The following TRIM16 variants were observed in gnomAD, a reference collection of about 807,000 sequenced individuals.
TRIM16 encodes tripartite motif-containing protein 16.
TRIM16 carries 33 observed loss-of-function variants against 50.4 expected under a neutral mutation model. The observed-to-expected ratio is 0.65, with a 90% CI of 0.50 to 0.88. The LOEUF (loss-of-function observed/expected upper bound fraction) is 0.88. TRIM16 is among the 40% of genes least tolerant of loss of function. The pLI, the probability that TRIM16 is intolerant of heterozygous loss-of-function variation, is 0.00. For missense variants in TRIM16, 581 were observed against 686.8 expected (o/e 0.85, Z 1.72); for synonymous variants, 229 against 270.7 (o/e 0.85, Z 1.51).
At chr17:15,660,071 C>T (rs1988153532) in intron 6 of TRIM16, among the ~76,000 whole-genome samples, 2 of 152,194 alleles carry the variant, frequency 1.3e-5, no homozygotes, top group African/African-American at 4.8e-5. Context: ...CTTGTTTTTA[C>T]TAGTGAGATA....
Position 15,628,259 on chromosome 17 carries a change from A to G in TRIM16, c.*356T>C, listed in dbSNP as rs1142879. The G allele has an allele frequency of 5.3e-6, 1 of 188,766 alleles. No individual in the cohort carries two copies. The highest frequency in any genetic ancestry group is 1.1e-5 in the Non-Finnish European group (1 of 91,714). The allele number at this position is 188,766 out of a possible 1,614,324, so 11.7% of individuals were successfully genotyped here. ...CCCATCTCTACTAAAAATACAAAACATTAGCTGGGTGTGGTGGCAGGCACC... is the reference window on the plus strand; with the variant it reads ...CCCATCTCTACTAAAAATACAAAACGTTAGCTGGGTGTGGTGGCAGGCACC... On this transcript the variant is annotated 3_prime_UTR_variant, in exon 12 of 12. Transcript: ENST00000649191.
intron 6 of TRIM16, among the ~76,000 whole-genome samples, chr17:15,670,214 T>C (rs543266763): frequency 2.6e-5 from 4 of 152,284 alleles, no homozygotes; most frequent in African/African-American, 7.2e-5. Context: ...TTTCATCCAG[T>C]AAATCCCCAA....
intron 6 of TRIM16, among the ~76,000 whole-genome samples, chr17:15,674,226 C>T (rs1988832729): frequency 6.6e-6 from 1 of 151,924 alleles, no homozygotes; most frequent in Admixed American, 6.6e-5. Flanking sequence ...AAAAATTAGC[C>T]GGGCATGGTG....
At chr17:15,660,296 G>A (rs1988165589) in intron 6 of TRIM16, among the ~76,000 whole-genome samples, 1 of 152,200 alleles carries the variant, frequency 6.6e-6, no homozygotes, top group South Asian at 2.1e-4. Flanking sequence ...AGAGGACAAT[G>A]AGCCGGTTCC....
In TRIM16 at chr17:15,642,730, C is replaced by A; in HGVS notation, c.606G>T (p.Lys202Asn). The A allele has an allele frequency of 1.1e-6, 1 of 873,738 alleles. No individual in the cohort carries two copies. The highest frequency in any genetic ancestry group is 1.7e-6 in the Non-Finnish European group (1 of 590,658). 54.1% of individuals were successfully genotyped at this position (873,738 alleles called of 1,614,324 possible). ...NAISRLQANQ[K>N]SVLVSVSEVK... is the part of the protein sequence containing the mutation. ...CCCAGGCTGGTCTTACCAGAACAGA[C>A]TTTTGGTTAGCCTGGAGCCTGGAGA... The change falls in exon 8 of 12, where the codon AAG (lysine) becomes AAT (asparagine). Residue 202 changes from lysine to asparagine, a missense_variant. Lys to Asn is a moderately conservative substitution (Grantham distance 94). Around this residue, in one of 3 missense-constraint regions of TRIM16, gnomAD observed 450 missense variants for 544.3 expected, o/e 0.83. Coordinates refer to ENST00000649191, the MANE Select transcript of TRIM16 (RefSeq NM_001348119.1).
intron 7 of TRIM16, among the ~76,000 whole-genome samples, chr17:15,648,263 AC>A (rs200084370): frequency 0.013 from 1,995 of 149,222 alleles, 62 homozygotes; most frequent in African/African-American, 0.047. Context: ...AAACAAACAA[AC>A]AAAAAAACAC....
At chr17:15,660,772 C>A (rs1191935324) in intron 6 of TRIM16, among the ~76,000 whole-genome samples, 1 of 151,946 alleles carries the variant, frequency 6.6e-6, no homozygotes, top group Non-Finnish European at 1.5e-5. Context: ...GTGGCAGGCG[C>A]CTGTAGTCCC....
chr17:15,641,103 G>C (rs1362793633), intron 8 of TRIM16, among the ~76,000 whole-genome samples: 1 of 148,532 alleles, frequency 6.7e-6, no homozygotes, highest in Admixed American at 6.7e-5. Context: ...GGAGGTGTCA[G>C]ATGATATTGG....
At chr17:15,648,555 C>T (rs1987530415) in intron 7 of TRIM16, among the ~76,000 whole-genome samples, 1 of 152,190 alleles carries the variant, frequency 6.6e-6, no homozygotes, top group Admixed American at 6.5e-5. Context: ...TTCCTATACA[C>T]AGCATGCCTG....
At chr17:15,654,379 C>G (rs375463008) in intron 6 of TRIM16, 23 of 152,296 alleles carry the variant, frequency 1.5e-4, no homozygotes, top group African/African-American at 5.5e-4. Context: ...TCTTTCTGAT[C>G]CTGGCCAGGG....
chr17:15,663,914 A>G (rs1988360259), intron 6 of TRIM16, among the ~76,000 whole-genome samples: 1 of 152,238 alleles, frequency 6.6e-6, no homozygotes. Flanking sequence ...ATGTGGCCAC[A>G]ATGGAGGGCA....
chr17:15,636,279 G>A lies in TRIM16; in HGVS notation c.616-10C>T, dbSNP rs1986736142. 3 of 1,608,036 alleles carry A rather than the reference G, an allele frequency of 1.9e-6. No homozygotes were observed. The highest frequency in any genetic ancestry group is 1.7e-6 in the Non-Finnish European group (2 of 1,177,824). On this transcript the variant is annotated splice_polypyrimidine_tract_variant and intron_variant, in intron 8 of 11. Coordinates refer to ENST00000649191, the MANE Select transcript of TRIM16 (RefSeq NM_001348119.1). Reference sequence around the variant, plus strand: ...CCTCTGACACCGACACCTGGCAGGGGGTGGGGGTGGAAGGCAGCCAAACAT... The same window carrying A: ...CCTCTGACACCGACACCTGGCAGGGAGTGGGGGTGGAAGGCAGCCAAACAT...
At chr17:15,677,152 G>A (rs1303619831) in intron 6 of TRIM16, 24 bp downstream of exon 6, 2 of 984,320 alleles carry the variant, frequency 2.0e-6, no homozygotes, top group Non-Finnish European at 2.4e-6. Flanking sequence ...TTCTAAAGAT[G>A]CAATCTGCCT....
intron 6 of TRIM16, among the ~76,000 whole-genome samples, chr17:15,662,615 C>G (rs1364538944): frequency 1.3e-5 from 2 of 152,144 alleles, no homozygotes; most frequent in Non-Finnish European, 2.9e-5. Flanking sequence ...TGTGTTGTCT[C>G]GAGCTTGAGA....
rs2151432002 is a variant in TRIM16 at position 15,680,917 on chromosome 17, C to T, written c.-642G>A. 1.3e-6 allele frequency: 2 copies of T among 1,546,108 alleles called. No homozygotes were observed. The highest frequency in any genetic ancestry group is 1.7e-6 in the Non-Finnish European group (2 of 1,145,816). ...AGCCATATTTTCCTTCTTAAGATACCCCTTTTGGGAAAGGGCAGGGTCCTC... is the reference window on the plus strand; with the variant it reads ...AGCCATATTTTCCTTCTTAAGATACTCCTTTTGGGAAAGGGCAGGGTCCTC... On this transcript the variant is annotated 5_prime_UTR_variant, in exon 4 of 12. Transcript: ENST00000649191.
rs537353425 is a variant in TRIM16 at position 15,667,416 on chromosome 17, A to T, written c.-338+9760T>A. Among the ~76,000 whole-genome samples the T allele has an allele frequency of 1.6e-3, 237 of 152,346 alleles. No homozygotes were observed. The Middle Eastern group carries it at 0.024, about 15-fold the overall frequency. ...AACAGTAAAAATTATTAATTTCATT[A>T]TATCTCAACTCTCGAGTACATGACT... On this transcript the variant is annotated intron_variant, in intron 6 of 11. Transcript: ENST00000649191.
chr17:15,682,055 A>G (rs1338474078), intron 3 of TRIM16, among the ~76,000 whole-genome samples: 3 of 152,188 alleles, frequency 2.0e-5, no homozygotes, highest in African/African-American at 7.2e-5. Flanking sequence ...TAATTTTACA[A>G]AAGAGAATAA....
chr17:15,652,124 A>G, intron 6 of TRIM16, 178 bp from the exon 7 acceptor site: 1 of 221,096 alleles, frequency 4.5e-6, no homozygotes, highest in Non-Finnish European at 7.7e-6. Context: ...GGCAGCTAGG[A>G]ATAGGATGCA....
intron 4 of TRIM16, among the ~76,000 whole-genome samples, chr17:15,680,068 C>G (rs1989122563): frequency 6.6e-6 from 1 of 151,812 alleles, no homozygotes; most frequent in Non-Finnish European, 1.5e-5. Flanking sequence ...TGACTTTTTT[C>G]CTGTGCCAGA....
Sources: allele counts gnomAD v4.1 joint callset (sites outside exome capture counted in the v4.1 genomes callset), GRCh38; gene constraint gnomAD v4.1.1; regional missense constraint gnomAD v4.1.1; transcripts MANE v1.5; gene names NCBI Gene and HGNC (gene_info 2026-07-23, HGNC 2026-07-21).